RAB5A: variants seen among roughly 807,000 people sequenced by gnomAD.
RAB5A encodes the protein RAB5A, member RAS oncogene family.
A neutral mutation model predicts 25.7 loss-of-function variants in RAB5A; 8 were observed. That is an observed-to-expected ratio of 0.31 (90% CI 0.18 to 0.56). The LOEUF (loss-of-function observed/expected upper bound fraction) is 0.56, where lower values mean the gene tolerates loss of function less well. RAB5A is among the 20% of genes least tolerant of loss of function. The pLI is 0.91. For synonymous variants in RAB5A, 98 were observed against 89.8 expected, an observed-to-expected ratio of 1.09 and a Z score of -0.52; for missense variants, 192 against 259.7, an observed-to-expected ratio of 0.74 and a Z score of 1.79.
rs200397595 is a variant in RAB5A at position 19,955,302 on chromosome 3, T to TC, written c.163+4241_163+4242insC. On this transcript the variant is annotated intron_variant, in intron 2 of 5. Coordinates refer to ENST00000273047, the MANE Select transcript of RAB5A (RefSeq NM_004162.5). ...TAGATGATGGAACTGTACATGAAAA[T>TC]AACATTCCTCTTGCTGGTTCTGTGA... Among the ~76,000 whole-genome samples, 3 of 152,280 alleles carry TC rather than the reference T, an allele frequency of 2.0e-5. No individual in the cohort carries two copies. The East Asian group carries it at 5.8e-4, about 29-fold the overall frequency.
intron 4 of RAB5A, among the ~76,000 whole-genome samples, chr3:19,976,560 C>T (rs1316104936): frequency 1.3e-5 from 2 of 152,154 alleles, no homozygotes; most frequent in Non-Finnish European, 2.9e-5. Flanking sequence ...TAGTGCATGC[C>T]TGTAATCCCA....
At chr3:19,950,060 G>A (rs1364215150) in intron 1 of RAB5A, among the ~76,000 whole-genome samples, 1 of 152,130 alleles carries the variant, frequency 6.6e-6, no homozygotes, top group Non-Finnish European at 1.5e-5. Context: ...TTTAAAAATG[G>A]CATGTATATT....
At position 19,957,730 on chromosome 3, in the gene RAB5A, C is replaced by CAA. The variant is rs61222002; in HGVS notation, c.163+6683_163+6684dup. On this transcript the variant is annotated intron_variant, in intron 2 of 5. Coordinates refer to ENST00000273047, the MANE Select transcript of RAB5A (RefSeq NM_004162.5). ...TGAGCAACAGAGTGAGACTCTGTCT[C>CAA]AAAAAAAAAAAAAAAGGTAAGTAGG... Among the ~76,000 whole-genome samples the CAA allele has an allele frequency of 6.1e-3, 804 of 132,382 alleles. 7 individuals are homozygous for CAA. The highest frequency in any genetic ancestry group is 0.02 in the African/African-American group (732 of 36,008). 86.8% of individuals were successfully genotyped at this position (132,382 alleles called of 152,430 possible). A position where few individuals can be genotyped will look rare whatever the true frequency, so the allele number is the denominator to read the frequency against.
At chr3:19,950,766 T>C (rs1696410546) in intron 1 of RAB5A, 40 bp from the exon 2 acceptor site, 9 of 875,904 alleles carry the variant, frequency 1.0e-5, no homozygotes, top group Non-Finnish European at 1.5e-5. Context: ...AAATTTGCTT[T>C]ACTGATTTGT....
intron 5 of RAB5A, among the ~76,000 whole-genome samples, chr3:19,983,345 C>CAAAAAAA (rs34872300): frequency 2.2e-5 from 2 of 92,110 alleles, no homozygotes; most frequent in African/African-American, 4.1e-5. Flanking sequence ...GACTACATCT[C>CAAAAAAA]AAAAAAAAAA....
chr3:19,982,795 A>T (rs1696955612), intron 5 of RAB5A, among the ~76,000 whole-genome samples: 1 of 151,606 alleles, frequency 6.6e-6, no homozygotes, highest in African/African-American at 2.4e-5. Context: ...ATGTATATAG[A>T]TGTTTTAAGG....
rs1696995311 is a variant in RAB5A at position 19,984,510 on chromosome 3, T to C, written c.*687T>C. On this transcript the variant is annotated 3_prime_UTR_variant, in exon 6 of 6. Transcript: ENST00000273047. ...AATGCACCTTAATGGTCAGTGTTCCTTTCAAACATGTGAGTTCTTTAACAA... is the reference window on the plus strand; with the variant it reads ...AATGCACCTTAATGGTCAGTGTTCCCTTCAAACATGTGAGTTCTTTAACAA... The C allele has an allele frequency of 5.2e-6, 1 of 191,114 alleles. No homozygotes were observed. The highest frequency in any genetic ancestry group is 1.1e-5 in the Non-Finnish European group (1 of 92,984). 11.8% of individuals were successfully genotyped at this position (191,114 alleles called of 1,614,324 possible). A position where few individuals can be genotyped will look rare whatever the true frequency, so the allele number is the denominator to read the frequency against.
At chr3:19,961,193 TTCAGAAGTTTCA>T (rs1696579879) in intron 2 of RAB5A, among the ~76,000 whole-genome samples, 1 of 152,336 alleles carries the variant, frequency 6.6e-6, no homozygotes, top group African/African-American at 2.4e-5. Context: ...AAACAGGATT[TTCAGAAGTTTCA>T]TCTGTACCTT....
intron 3 of RAB5A, 132 bp downstream of exon 3, chr3:19,975,884 A>G (rs1366414681): frequency 3.0e-5 from 40 of 1,331,060 alleles, no homozygotes; most frequent in Non-Finnish European, 4.0e-5. Flanking sequence ...TGTGAATTAG[A>G]AAATCTGGTT....
intron 4 of RAB5A, among the ~76,000 whole-genome samples, chr3:19,977,966 A>G (rs1696851943): frequency 6.6e-6 from 1 of 152,230 alleles, no homozygotes; most frequent in Non-Finnish European, 1.5e-5. Context: ...GTAAGTGCAA[A>G]TAAAAATTGC....
At chr3:19,976,364 T>C (rs1463392877) in intron 4 of RAB5A, among the ~76,000 whole-genome samples, 195 bp downstream of exon 4, 1 of 152,186 alleles carries the variant, frequency 6.6e-6, no homozygotes, top group African/African-American at 2.4e-5. Flanking sequence ...TATTGTAATA[T>C]ATAAACTGAC....
intron 4 of RAB5A, among the ~76,000 whole-genome samples, chr3:19,976,376 C>G (rs1187651116): frequency 6.6e-6 from 1 of 152,014 alleles, no homozygotes; most frequent in African/African-American, 2.4e-5. Context: ...TAAACTGACC[C>G]AAAGATTTTG....
At chr3:19,969,454 C>G (rs968957480) in intron 2 of RAB5A, among the ~76,000 whole-genome samples, 12 of 152,204 alleles carry the variant, frequency 7.9e-5, no homozygotes, top group African/African-American at 2.7e-4. Context: ...ATTGTCTTTA[C>G]ACATTTATCC....
Position 19,947,266 on chromosome 3 carries a change from C to G in RAB5A, c.-349C>G, listed in dbSNP as rs1213658583. On this transcript the variant is annotated 5_prime_UTR_variant, in exon 1 of 6. Transcript: ENST00000273047. ...GGAAGAATTAGTCGGAACTCCAGCG[C>G]CGGCGGCGGCGGCGGCGGCGGAGGA... 4 of 183,042 alleles carry G rather than the reference C, an allele frequency of 2.2e-5. 1 individual carries two copies. Among genetic ancestry groups the G allele is most frequent in the Non-Finnish European group, 4.4e-5 (4 of 91,212 alleles). 11.3% of individuals were successfully genotyped at this position (183,042 alleles called of 1,614,324 possible). A position where few individuals can be genotyped will look rare whatever the true frequency, so the allele number is the denominator to read the frequency against.
intron 5 of RAB5A, among the ~76,000 whole-genome samples, chr3:19,980,877 C>A (rs1050336829): frequency 6.6e-6 from 1 of 152,136 alleles, no homozygotes; most frequent in East Asian, 1.9e-4. Context: ...ATTGCCCAAC[C>A]CAGCATCTAG....
Position 19,978,393 on chromosome 3 carries a change from C to T in RAB5A, c.522C>T (p.Phe174=), listed in dbSNP as rs1369024718. The change falls in exon 5 of 6, where the codon TTC becomes TTT. Residue 174 remains phenylalanine, a synonymous_variant. Transcript: ENST00000273047. ...CATCAATGAATGTAAATGAAATATT[C>T]ATGGCAATAGGTAAGATTAATATCT... ...AKTSMNVNEI[F]MAIAKKLPKN... The T allele has an allele frequency of 1.9e-6, 3 of 1,574,760 alleles. No homozygotes were observed. Among genetic ancestry groups the T allele is most frequent in the South Asian group, 2.2e-5 (2 of 90,138 alleles).
At chr3:19,973,215 G>T (rs1236293962) in intron 2 of RAB5A, among the ~76,000 whole-genome samples, 1 of 152,046 alleles carries the variant, frequency 6.6e-6, no homozygotes, top group African/African-American at 2.4e-5. Flanking sequence ...CATGATATAT[G>T]GGGAGGTCCT....
rs779398602 is a variant in RAB5A at position 19,985,132 on chromosome 3, T to TA, written c.*1310dup. ...AAAACGGTTCACCAGTGTTTAGTTT[T>TA]ATATTGAGGTGCTCAGGTTGGAATA... On this transcript the variant is annotated 3_prime_UTR_variant, in exon 6 of 6. Transcript: ENST00000273047. The TA allele has an allele frequency of 5.3e-6, 2 of 380,780 alleles. No individual in the cohort carries two copies. The highest frequency in any genetic ancestry group is 9.3e-6 in the Non-Finnish European group (2 of 214,984). The allele number at this position is 380,780 out of a possible 1,614,324, so 23.6% of individuals were successfully genotyped here.
At position 19,975,647 on chromosome 3, in the gene RAB5A, G is replaced by C. The variant is rs745834147; in HGVS notation, c.210G>C (p.Lys70Asn). Residue 70 changes from lysine to asparagine, a missense_variant, in exon 3 of 6, where the codon AAG becomes AAC. By Grantham distance (94) the Lys-to-Asn change is moderately conservative. Coordinates refer to ENST00000273047, the MANE Select transcript of RAB5A (RefSeq NM_004162.5). ...TATGTCTTGATGACACTACAGTAAA[G>C]TTTGAAATATGGGATACAGCTGGTC... is the stretch of plus-strand genomic sequence containing the variant. ...QTVCLDDTTV[K>N]FEIWDTAGQE... The C allele has an allele frequency of 2.7e-5, 44 of 1,613,838 alleles. No homozygotes were observed. Among genetic ancestry groups the C allele is most frequent in the Non-Finnish European group, 3.6e-5 (42 of 1,179,990 alleles).
Sources: allele counts gnomAD v4.1 joint callset (sites outside exome capture counted in the v4.1 genomes callset), GRCh38; gene constraint gnomAD v4.1.1; transcripts MANE v1.5; gene names NCBI Gene and HGNC (gene_info 2026-07-23, HGNC 2026-07-21).